DLC1: variants seen among roughly 807,000 people sequenced by gnomAD.
DLC1 encodes the protein rho GTPase-activating protein 7.
A neutral mutation model predicts 140.3 loss-of-function variants in DLC1; 54 were observed. The observed-to-expected ratio is 0.38, with a 90% CI of 0.31 to 0.48. The LOEUF (loss-of-function observed/expected upper bound fraction) is 0.48, where lower values mean the gene tolerates loss of function less well. Among genes scored for constraint, DLC1 ranks in the 20% least tolerant of loss-of-function variants. DLC1 has a pLI of 0.96. For synonymous variants in DLC1, 986 were observed against 728.1 expected (o/e 1.35, Z -5.70); for missense variants, 2,536 against 1,907.0 (o/e 1.33, Z -6.14).
At chr8:13,381,888 T>G (rs1836278462) in intron 4 of DLC1, among the ~76,000 whole-genome samples, 1 of 152,060 alleles carries the variant, frequency 6.6e-6, no homozygotes, top group Admixed American at 6.6e-5. Context: ...AACTAAAAAC[T>G]GACAAAATAT....
Position 13,094,860 on chromosome 8 carries a change from G to A in DLC1, c.3425C>T (p.Ser1142Phe), listed in dbSNP as rs1585593233. The A allele has an allele frequency of 1.2e-6, 2 of 1,614,246 alleles. No individual in the cohort carries two copies. The highest frequency in any genetic ancestry group is 4.5e-5 in the East Asian group (2 of 44,892). Residue 1142 changes from serine (S) to phenylalanine (F), a missense_variant, in exon 12 of 18, where the codon TCT (serine) becomes TTT (phenylalanine). By Grantham distance (155) the Ser-to-Phe change is radical. Transcript: ENST00000276297. ...AIDCVNYEGQ[S>F]AYDVADMLKQ... ...CAGCATGTCTGCCACGTCATAAGCA[G>A]ACTGTCCTTCGTAGTTGACACAGTC...
chr8:13,453,427 T>TATATATATATGTATATATATAC (rs1203228326), intron 2 of DLC1, among the ~76,000 whole-genome samples: 4 of 19,682 alleles, frequency 2.0e-4, no homozygotes, highest in Non-Finnish European at 3.4e-4. Context: ...TATATATGTG[T>TATATATATATGTATATATATAC]ATATATATAT....
At chr8:13,456,939 C>A (rs1799417782) in intron 2 of DLC1, among the ~76,000 whole-genome samples, 1 of 152,200 alleles carries the variant, frequency 6.6e-6, no homozygotes, top group South Asian at 2.1e-4. Flanking sequence ...TCAATGTGGT[C>A]AAATGGTGCC....
At chr8:13,391,197 T>G (rs1826627569) in intron 4 of DLC1, among the ~76,000 whole-genome samples, 1 of 152,106 alleles carries the variant, frequency 6.6e-6, no homozygotes, top group African/African-American at 2.4e-5. Flanking sequence ...AGTCCACCTG[T>G]GCTGCTGGTC....
intron 1 of DLC1, among the ~76,000 whole-genome samples, chr8:13,592,415 A>AT (rs899285726): frequency 2.0e-5 from 3 of 151,358 alleles, no homozygotes; most frequent in Admixed American, 6.6e-5. Context: ...TATTTCTCCC[A>AT]TTTTTTGTAG....
At chr8:13,515,754 C>G (rs1056376298), upstream of DLC1, 8 of 152,188 alleles carry the variant, frequency 5.3e-5, no homozygotes, top group African/African-American at 1.9e-4. Context: ...TTGATTAAAA[C>G]CAGACAGGCA....
chr8:13,358,458 G>A (rs979693087), intron 4 of DLC1, among the ~76,000 whole-genome samples: 1 of 152,114 alleles, frequency 6.6e-6, no homozygotes, highest in Non-Finnish European at 1.5e-5. Context: ...CTCTGGCTAA[G>A]TATTTTCAGT....
rs200760109 is a variant in DLC1 at position 13,225,917 on chromosome 8, T to C, written c.1348+79352A>G. Among the ~76,000 whole-genome samples the C allele has an allele frequency of 8.5e-5, 13 of 152,158 alleles. No homozygotes were observed. In the East Asian group the frequency reaches 2.5e-3, roughly 29 times the overall value. On this transcript the variant is annotated intron_variant, in intron 5 of 17. Transcript: ENST00000276297. ...GGCGTGAGCCACCGCGCCTGGCCTA[T>C]TTTTTTATTTTTTGAGAAGCGGTCT...
intron 4 of DLC1, among the ~76,000 whole-genome samples, chr8:13,367,208 C>T (rs1407346783): frequency 6.6e-6 from 1 of 152,178 alleles, no homozygotes; most frequent in South Asian, 2.1e-4. Flanking sequence ...TACCTTGGGT[C>T]TTGCAAGGCT....
chr8:13,288,974 T>C (rs1161652455), intron 5 of DLC1, among the ~76,000 whole-genome samples: 4 of 152,194 alleles, frequency 2.6e-5, no homozygotes, highest in Non-Finnish European at 5.9e-5. Context: ...TTTTGCAGTG[T>C]TACTTGGGCC....
chr8:13,293,213 G>C (rs1003042059), intron 5 of DLC1, among the ~76,000 whole-genome samples: 6 of 152,224 alleles, frequency 3.9e-5, no homozygotes, highest in African/African-American at 9.6e-5. Flanking sequence ...TTGGGCAACA[G>C]AGCGTGAACC....
chr8:13,593,780 T>G (rs2117480018), intron 1 of DLC1, among the ~76,000 whole-genome samples: 1 of 152,150 alleles, frequency 6.6e-6, no homozygotes, highest in South Asian at 2.1e-4. Context: ...ACAATGAAAA[T>G]TAATCAGGAA....
At chr8:13,293,584 T>C (rs1018519993) in intron 5 of DLC1, among the ~76,000 whole-genome samples, 4 of 152,224 alleles carry the variant, frequency 2.6e-5, no homozygotes, top group African/African-American at 9.6e-5. Flanking sequence ...AGATATCACA[T>C]GGCATGCGGG....
chr8:13,228,368 C>T (rs181623980), intron 5 of DLC1, among the ~76,000 whole-genome samples: 1 of 150,406 alleles, frequency 6.6e-6, no homozygotes, highest in Admixed American at 6.6e-5. Context: ...ATTTCACAAA[C>T]TATATATTTG....
intron 2 of DLC1, among the ~76,000 whole-genome samples, chr8:13,405,893 C>G (rs1837507538): frequency 8.7e-6 from 1 of 115,158 alleles, no homozygotes; most frequent in Non-Finnish European, 1.8e-5. Flanking sequence ...TCTTTTCTTT[C>G]TTTCTTTTTC....
intron 1 of DLC1, among the ~76,000 whole-genome samples, chr8:13,543,907 GGT>G (rs1803568216): frequency 6.6e-6 from 1 of 151,782 alleles, no homozygotes. Flanking sequence ...ACACTACTCT[GGT>G]GACTGGTGTA....
At chr8:13,391,403 T>C (rs1167993638) in intron 4 of DLC1, among the ~76,000 whole-genome samples, 3 of 152,210 alleles carry the variant, frequency 2.0e-5, no homozygotes, top group East Asian at 1.9e-4. Flanking sequence ...CAAGTTAACA[T>C]ATTTTCAGAA....
chr8:13,193,678 C>G (rs1400001848), intron 5 of DLC1, among the ~76,000 whole-genome samples: 1 of 152,148 alleles, frequency 6.6e-6, no homozygotes, highest in Non-Finnish European at 1.5e-5. Context: ...CTGGCCAGAA[C>G]CAAAGGAAGT....
At chr8:13,312,360 CAAAAAAAAAAAAAA>C (rs777597726) in intron 4 of DLC1, among the ~76,000 whole-genome samples, 2 of 6,638 alleles carry the variant, frequency 3.0e-4, no homozygotes, top group East Asian at 0.01. Flanking sequence ...GACTCCGTCT[CAAAAAAAAAAAAAA>C]AAAAAAAAAA....
Sources: gnomAD v4.1 joint callset for allele counts (sites outside exome capture counted in the v4.1 genomes callset) on GRCh38, gnomAD v4.1.1 for gene constraint, MANE v1.5 for transcripts, NCBI Gene and HGNC (gene_info 2026-07-23, HGNC 2026-07-21) for gene names.